FAM241B: variants seen among roughly 807,000 people sequenced by gnomAD.
The protein encoded by FAM241B is family with sequence similarity 241 member B.
FAM241B carries 7 observed loss-of-function variants against 9.3 expected under a neutral mutation model. The ratio of observed to expected loss-of-function variants is 0.75; its 90% CI spans 0.43 to 1.41. The LOEUF (loss-of-function observed/expected upper bound fraction) is 1.41. FAM241B is among the 40% of genes most tolerant of loss of function. The pLI, the probability that FAM241B is intolerant of heterozygous loss-of-function variation, is 0.01. For synonymous variants in FAM241B, 60 were observed against 64.1 expected, an observed-to-expected ratio of 0.94 and a Z score of 0.31; for missense variants, 136 against 159.6, an observed-to-expected ratio of 0.85 and a Z score of 0.80.
rs1401286549 is a variant in FAM241B, at chr10:69,630,679, C to T, written c.-104+366C>T. On this transcript the variant is annotated intron_variant, in intron 1 of 3. Transcript: ENST00000373279. ...TGGAATGTAGGTGGACACTGAGGCTCATCTCCTGAGAATGAATGGCCTTTA... is the reference window on the plus strand; with the variant it reads ...TGGAATGTAGGTGGACACTGAGGCTTATCTCCTGAGAATGAATGGCCTTTA... 5 of 1,296,048 alleles carry T rather than the reference C, an allele frequency of 3.9e-6. No individual in the cohort carries two copies. The African/African-American group carries it at 4.6e-5, about 12-fold the overall frequency. 80.3% of individuals were successfully genotyped at this position (1,296,048 alleles called of 1,614,324 possible). A position where few individuals can be genotyped will look rare whatever the true frequency, so the allele number is the denominator to read the frequency against.
At chr10:69,632,352 G>A (rs1290403198) in intron 3 of FAM241B, among the ~76,000 whole-genome samples, 1 of 151,726 alleles carries the variant, frequency 6.6e-6, no homozygotes, top group South Asian at 2.1e-4. Flanking sequence ...CAGCTACTCA[G>A]GAGGCTGAGG....
At chr10:69,632,530 T>G (rs1839846599) in intron 3 of FAM241B, among the ~76,000 whole-genome samples, 2 of 151,256 alleles carry the variant, frequency 1.3e-5, no homozygotes, top group Admixed American at 6.6e-5. Flanking sequence ...AGCCATGCCC[T>G]GTAGTCCAAC....
intron 3 of FAM241B, among the ~76,000 whole-genome samples, 179 bp downstream of exon 3, chr10:69,632,018 G>A (rs10998886): frequency 0.12 from 18,573 of 151,120 alleles, 1,360 homozygotes; most frequent in Middle Eastern, 0.2. Context: ...TTCTCCAGGC[G>A]CCTCCCCAGA....
rs1185809309 is a variant in FAM241B, at chr10:69,632,879, C to A, written c.186C>A (p.Ser62=). Reference sequence around the variant, plus strand: ...GTGCCAGGCTGGGTGCTGCTCAGTCCCCCTTCAATGACCTCAACCGGCAGC... The same window carrying A: ...GTGCCAGGCTGGGTGCTGCTCAGTCACCCTTCAATGACCTCAACCGGCAGC... ...QAGARLGAAQ[S]PFNDLNRQLV... is the part of the protein sequence containing the mutation. The change falls in exon 4 of 4, where the codon TCC becomes TCA. Residue 62 remains serine (S), a synonymous_variant. Transcript: ENST00000373279. The A allele has an allele frequency of 6.2e-7, 1 of 1,614,228 alleles. No homozygotes were observed.
chr10:69,633,461 T>C lies in FAM241B; in HGVS notation c.*402T>C, dbSNP rs1256430448. ...GAGCAGGACTTGGGCTTAGGGCAGG[T>C]GGAAAAAATTCCAGACTTTTTTAGC... On this transcript the variant is annotated 3_prime_UTR_variant, in exon 4 of 4. Coordinates refer to ENST00000373279, the MANE Select transcript of FAM241B (RefSeq NM_145306.3). 1 of 197,334 alleles carries C rather than the reference T, an allele frequency of 5.1e-6. No homozygotes were observed. The highest frequency in any genetic ancestry group is 2.3e-5 in the African/African-American group (1 of 42,914). 12.2% of individuals were successfully genotyped at this position (197,334 alleles called of 1,614,324 possible).
chr10:69,630,482 G>T, intron 1 of FAM241B, 169 bp downstream of exon 1: 1 of 319,480 alleles, frequency 3.1e-6, no homozygotes, highest in Non-Finnish European at 4.7e-6. Flanking sequence ...GTGGCCCACC[G>T]GGCGGGGGCG....
In FAM241B at chr10:69,631,769, A is replaced by G. The variant is rs1483389986; in HGVS notation, c.26A>G (p.Glu9Gly). 1.9e-6 allele frequency: 3 copies of G among 1,613,114 alleles called. No homozygotes were observed. Among genetic ancestry groups the G allele is most frequent in the Non-Finnish European group, 2.5e-6 (3 of 1,179,806 alleles). The change falls in exon 3 of 4, where the codon GAA becomes GGA. Residue 9 changes from glutamate to glycine, a missense_variant. Transcript: ENST00000373279. MVRILANG[E>G]IVQDDDPRVR... The stretch of plus-strand genomic sequence containing the variant: ...ATGGTGCGGATCTTGGCCAATGGGG[A>G]AATCGTGCAGGATGACGACCCCCGA...
chr10:69,633,140 T>G lies in FAM241B; in HGVS notation c.*81T>G. On this transcript the variant is annotated 3_prime_UTR_variant, in exon 4 of 4. Coordinates refer to ENST00000373279, the MANE Select transcript of FAM241B (RefSeq NM_145306.3). ...TGAGAGCAGGCATATTTGGAGGGGA[T>G]CTGGTGGTGCCTTGAAGGTATGATC... is the stretch of plus-strand genomic sequence containing the variant. 1 of 1,555,106 alleles carries G rather than the reference T, an allele frequency of 6.4e-7. No individual in the cohort carries two copies. The highest frequency in any genetic ancestry group is 8.7e-7 in the Non-Finnish European group (1 of 1,144,500).
At chr10:69,631,675 C>A (rs1790301535) in intron 2 of FAM241B, 34 bp from the exon 3 acceptor site, 1 of 1,578,322 alleles carries the variant, frequency 6.3e-7, no homozygotes, top group African/African-American at 1.3e-5. Context: ...CACTTGGCTT[C>A]CATTAGCCTG....
At chr10:69,632,662 A>T (rs1839849418) in intron 3 of FAM241B, 128 bp from the exon 4 acceptor site, 2 of 1,030,902 alleles carry the variant, frequency 1.9e-6, no homozygotes, top group African/African-American at 3.2e-5. Flanking sequence ...GGCATGGGGG[A>T]TTGCTGAGAA....
chr10:69,631,758 G>A lies in FAM241B; in HGVS notation c.15G>A (p.Leu5=). 6.2e-7 allele frequency: 1 copy of A among 1,613,236 alleles called. No homozygotes were observed. The highest frequency in any genetic ancestry group is 8.5e-7 in the Non-Finnish European group (1 of 1,179,842). The part of the protein sequence containing the change: MVRI[L]ANGEIVQDDD... ...CGCCTGGGAGGATGGTGCGGATCTT[G>A]GCCAATGGGGAAATCGTGCAGGATG... The change falls in exon 3 of 4, where the codon TTG becomes TTA. Residue 5 remains leucine (L), a synonymous_variant. Transcript: ENST00000373279.
chr10:69,633,203 T>A lies in FAM241B; in HGVS notation c.*144T>A. ...ACAGGTGTGTGTTTCCCCTTTGTGT[T>A]AAGCGTGAGGCAGAGGGAGACGTTA... On this transcript the variant is annotated 3_prime_UTR_variant, in exon 4 of 4. Transcript: ENST00000373279. 8.1e-7 allele frequency: 1 copy of A among 1,238,898 alleles called. No individual in the cohort carries two copies. The highest frequency in any genetic ancestry group is 1.1e-6 in the Non-Finnish European group (1 of 886,778). The allele number at this position is 1,238,898 out of a possible 1,614,324, so 76.7% of individuals were successfully genotyped here.
intron 1 of FAM241B, among the ~76,000 whole-genome samples, chr10:69,630,892 A>G (rs1448610450): frequency 6.6e-6 from 1 of 151,996 alleles, no homozygotes; most frequent in Non-Finnish European, 1.5e-5. Context: ...CTCTGCAGCA[A>G]AGGTGTGCTC....
chr10:69,633,137 G>C lies in FAM241B; in HGVS notation c.*78G>C. 1.3e-6 allele frequency: 2 copies of C among 1,559,960 alleles called. No homozygotes were observed. Among genetic ancestry groups the C allele is most frequent in the South Asian group, 1.2e-5 (1 of 84,394 alleles). On this transcript the variant is annotated 3_prime_UTR_variant, in exon 4 of 4. Coordinates refer to ENST00000373279, the MANE Select transcript of FAM241B (RefSeq NM_145306.3). ...GTGTGAGAGCAGGCATATTTGGAGG[G>C]GATCTGGTGGTGCCTTGAAGGTATG...
chr10:69,630,636 C>T (rs1947741), intron 1 of FAM241B: 572,132 of 1,296,748 alleles, frequency 0.44, 130,326 homozygotes, highest in East Asian at 0.86. Context: ...TTTCGGCATA[C>T]ATGTCACCAG....
chr10:69,631,714 G>A lies in FAM241B; in HGVS notation c.-30G>A. 2 of 1,606,942 alleles carry A rather than the reference G, an allele frequency of 1.2e-6. No homozygotes were observed. On this transcript the variant is annotated 5_prime_UTR_variant, in exon 3 of 4. Coordinates refer to ENST00000373279, the MANE Select transcript of FAM241B (RefSeq NM_145306.3). Reference sequence around the variant, plus strand: ...ACCCTGACCACACAATGCAGGTGCAGCCCATCAGGGACCCACAGCGCCTGG... The same window carrying A: ...ACCCTGACCACACAATGCAGGTGCAACCCATCAGGGACCCACAGCGCCTGG...
rs182967155 is a variant in FAM241B at position 69,632,292 on chromosome 10, C to T, written c.96+453C>T. Among the ~76,000 whole-genome samples, 3 of 151,986 alleles carry T rather than the reference C, an allele frequency of 2.0e-5. No individual in the cohort carries two copies. In the East Asian group the frequency reaches 5.8e-4, roughly 29 times the overall value. On this transcript the variant is annotated intron_variant, in intron 3 of 3. Transcript: ENST00000373279. ...TGACCAACATGATGAAACCCCATCT[C>T]TACTAAAAATACAAAATTAGCCAGG... is the stretch of plus-strand genomic sequence containing the variant.
At chr10:69,632,457 CAAAAAAAA>C (rs58019486) in intron 3 of FAM241B, among the ~76,000 whole-genome samples, 3 of 109,020 alleles carry the variant, frequency 2.8e-5, no homozygotes, top group Middle Eastern at 5.0e-3. Flanking sequence ...GACTCCGTCT[CAAAAAAAA>C]AAAAAAAAAA....
In FAM241B at chr10:69,631,497, C is replaced by T. The variant is rs185799742; in HGVS notation, c.-86C>T. ...TTAATCAGACACAGCATCTACTCAG[C>T]GTGGGTCACCTCTGTGAACATCACT... On this transcript the variant is annotated 5_prime_UTR_variant, in exon 2 of 4. Coordinates refer to ENST00000373279, the MANE Select transcript of FAM241B (RefSeq NM_145306.3). 2.7e-5 allele frequency: 42 copies of T among 1,530,738 alleles called. No individual in the cohort carries two copies. The East Asian group carries it at 5.3e-4, about 19-fold the overall frequency. 94.8% of individuals were successfully genotyped at this position (1,530,738 alleles called of 1,614,324 possible).
Sources: gnomAD v4.1 joint callset for allele counts (sites outside exome capture counted in the v4.1 genomes callset) on GRCh38, gnomAD v4.1.1 for gene constraint, MANE v1.5 for transcripts, NCBI Gene and HGNC (gene_info 2026-07-23, HGNC 2026-07-21) for gene names.